CCPG1: variants seen among roughly 807,000 people sequenced by gnomAD.
CCPG1 encodes cell cycle progression 1.
CCPG1 carries 46 observed loss-of-function variants against 81.3 expected under a neutral mutation model. The observed-to-expected ratio is 0.57, with a 90% CI of 0.45 to 0.72. CCPG1 has a LOEUF of 0.72. Among genes scored for constraint, CCPG1 ranks in the 30% least tolerant of loss-of-function variants. The pLI is 0.00. For missense variants in CCPG1, 902 were observed against 937.6 expected (o/e 0.96, Z 0.50); for synonymous variants, 330 against 305.2 (o/e 1.08, Z -0.85).
Position 55,359,762 on chromosome 15 carries a change from A to G in CCPG1, c.2011T>C (p.Phe671Leu). The G allele has an allele frequency of 6.2e-7, 1 of 1,613,484 alleles. No homozygotes were observed. Among genetic ancestry groups the G allele is most frequent in the Non-Finnish European group, 8.5e-7 (1 of 1,179,920 alleles). Residue 671 changes from phenylalanine (F) to leucine (L), a missense_variant, in exon 8 of 9, where the codon TTT becomes CTT. Transcript: ENST00000442196. ...QRYMLKELDT[F>L]CHWNELDQFI... is the part of the protein sequence containing the mutation. The stretch of plus-strand genomic sequence containing the variant: ...TGATCAAGTTCGTTCCAGTGACAAA[A>G]AGTATCCAGTTCTTTTAACATGTAC...
At chr15:55,399,178 A>C (rs1413004448) in intron 1 of CCPG1, among the ~76,000 whole-genome samples, 1 of 152,100 alleles carries the variant, frequency 6.6e-6, no homozygotes, top group African/African-American at 2.4e-5. Context: ...ATGGTGCAAG[A>C]ACTGGAATGT....
chr15:55,369,073 C>T (rs2056392292), intron 6 of CCPG1, among the ~76,000 whole-genome samples: 1 of 151,994 alleles, frequency 6.6e-6, no homozygotes, highest in South Asian at 2.1e-4. Context: ...GATCATACCA[C>T]TGCACTCCAG....
intron 3 of CCPG1, among the ~76,000 whole-genome samples, chr15:55,383,870 C>T (rs1218885287): frequency 6.6e-6 from 1 of 152,136 alleles, no homozygotes; most frequent in South Asian, 2.1e-4. Flanking sequence ...AATCTTCTAC[C>T]AAGACCACTA....
intron 3 of CCPG1, among the ~76,000 whole-genome samples, chr15:55,384,134 T>C (rs879658689): frequency 6.6e-6 from 1 of 152,162 alleles, no homozygotes; most frequent in African/African-American, 2.4e-5. Context: ...GGGTTATTAA[T>C]TGGCCTGATT....
At chr15:55,382,391 C>T (rs1313987571) in intron 3 of CCPG1, among the ~76,000 whole-genome samples, 1 of 152,140 alleles carries the variant, frequency 6.6e-6, no homozygotes, top group East Asian at 1.9e-4. Flanking sequence ...AGCATCTTCA[C>T]CAAGAGTAGA....
intron 6 of CCPG1, among the ~76,000 whole-genome samples, chr15:55,370,900 A>G (rs1182841813): frequency 6.9e-6 from 1 of 144,112 alleles, no homozygotes; most frequent in Non-Finnish European, 1.5e-5. Context: ...AAAAAAAAAA[A>G]AAGACTTCGA....
chr15:55,367,507 G>A (rs1566969349), intron 6 of CCPG1, among the ~76,000 whole-genome samples: 1 of 151,980 alleles, frequency 6.6e-6, no homozygotes, highest in South Asian at 2.1e-4. Flanking sequence ...TTGCAGCGCT[G>A]TCAGATTTTG....
In CCPG1 at chr15:55,371,747, T is replaced by C; in HGVS notation, c.706+46A>G. 1.9e-6 allele frequency: 3 copies of C among 1,579,630 alleles called. No individual in the cohort carries two copies. The East Asian group carries it at 6.7e-5, about 36-fold the overall frequency. The stretch of plus-strand genomic sequence containing the variant: ...AAGAGTCCTCACTCTTAAGTTCCTC[T>C]ACACTATCCCATCAGGTTATGTATA... On this transcript the variant is annotated intron_variant, in intron 6 of 8. Coordinates refer to ENST00000442196, the MANE Select transcript of CCPG1 (RefSeq NM_001204450.2).
chr15:55,374,378 C>T (rs1205782271), intron 5 of CCPG1: 3 of 463,170 alleles, frequency 6.5e-6, no homozygotes, highest in Non-Finnish European at 1.1e-5. Flanking sequence ...AACGTAATAA[C>T]CATGCCTTCT....
intron 6 of CCPG1, 64 bp downstream of exon 6, chr15:55,371,729 C>G: frequency 6.8e-7 from 1 of 1,477,060 alleles, no homozygotes; most frequent in Non-Finnish European, 9.3e-7. Context: ...CCCAAGAGTC[C>G]TCACTCTTAA....
At chr15:55,381,695 T>G (rs1327375705) in intron 3 of CCPG1, among the ~76,000 whole-genome samples, 1 of 152,248 alleles carries the variant, frequency 6.6e-6, no homozygotes, top group African/African-American at 2.4e-5. Context: ...TTACTGTAAT[T>G]TTTTTAAAAA....
intron 6 of CCPG1, among the ~76,000 whole-genome samples, chr15:55,370,429 C>A (rs1239360978): frequency 6.6e-6 from 1 of 152,112 alleles, no homozygotes; most frequent in African/African-American, 2.4e-5. Context: ...CCCCAAATTC[C>A]AATATAGCAA....
intron 3 of CCPG1, among the ~76,000 whole-genome samples, chr15:55,378,606 A>T (rs938520512): frequency 6.8e-6 from 1 of 146,662 alleles, no homozygotes; most frequent in African/African-American, 2.5e-5. Flanking sequence ...ATCATTTAAG[A>T]TTTTTTTTTT....
intron 1 of CCPG1, among the ~76,000 whole-genome samples, chr15:55,401,146 T>C (rs1423853087): frequency 6.6e-6 from 1 of 152,232 alleles, no homozygotes; most frequent in Non-Finnish European, 1.5e-5. Flanking sequence ...TCTTTTGGTG[T>C]GAAGTGGAAA....
chr15:55,389,068 C>CAAAAAAAAAAA (rs373917631), intron 2 of CCPG1, among the ~76,000 whole-genome samples: 682 of 56,232 alleles, frequency 0.012, 37 homozygotes, highest in Non-Finnish European at 0.017. Context: ...GACTCTGTCT[C>CAAAAAAAAAAA]AAAAAAAAAA....
intron 6 of CCPG1, among the ~76,000 whole-genome samples, chr15:55,369,992 T>C (rs1162405173): frequency 1.4e-5 from 2 of 147,236 alleles, no homozygotes; most frequent in Non-Finnish European, 3.0e-5. Flanking sequence ...TTCAGCTAGA[T>C]AGTCTATAAA....
intron 3 of CCPG1, among the ~76,000 whole-genome samples, chr15:55,383,661 T>C (rs1237405868): frequency 6.6e-6 from 1 of 152,234 alleles, no homozygotes; most frequent in Non-Finnish European, 1.5e-5. Flanking sequence ...GCCTTCTACA[T>C]CAGCACTTGC....
rs569337076 is a variant in CCPG1, at chr15:55,361,692, G to A, written c.829-748C>T. Among the ~76,000 whole-genome samples the A allele has an allele frequency of 3.4e-5, 5 of 149,096 alleles. No homozygotes were observed. The South Asian group carries it at 6.3e-4, about 19-fold the overall frequency. On this transcript the variant is annotated intron_variant, in intron 7 of 8. Coordinates refer to ENST00000442196, the MANE Select transcript of CCPG1 (RefSeq NM_001204450.2). ...CTGCACTCCAGCCTGGCGACAGAGC[G>A]AGACTCTGTCTCAAAAAAAAAACAA... is the stretch of plus-strand genomic sequence containing the variant.
intron 1 of CCPG1, among the ~76,000 whole-genome samples, chr15:55,397,027 C>CT (rs1491074959): frequency 1.3e-5 from 2 of 151,844 alleles, no homozygotes; most frequent in Non-Finnish European, 2.9e-5. Flanking sequence ...CAGTGAAACT[C>CT]TGTCTCTACA....
Sources: gnomAD v4.1 joint callset for allele counts (sites outside exome capture counted in the v4.1 genomes callset) on GRCh38, gnomAD v4.1.1 for gene constraint, MANE v1.5 for transcripts, NCBI Gene and HGNC (gene_info 2026-07-23, HGNC 2026-07-21) for gene names.